The following LRRTM4 variants were observed in gnomAD, a reference collection of about 807,000 sequenced individuals.
LRRTM4 encodes leucine rich repeat transmembrane neuronal 4.
In LRRTM4, 25 loss-of-function variants were observed where a neutral mutation model predicts 47.6. That is an observed-to-expected ratio of 0.53 (90% CI 0.38 to 0.73). The LOEUF (loss-of-function observed/expected upper bound fraction) is 0.73, where lower values mean the gene tolerates loss of function less well. Ranked by LOEUF, LRRTM4 falls within the 30% of genes least tolerant of loss-of-function variation. LRRTM4 has a pLI of 0.00. For synonymous variants in LRRTM4, 311 were observed against 269.5 expected (o/e 1.15, Z -1.51); for missense variants, 638 against 713.4 (o/e 0.89, Z 1.20).
At chr2:77,119,997 G>A (rs780694881) in intron 3 of LRRTM4, among the ~76,000 whole-genome samples, 44 of 151,886 alleles carry the variant, frequency 2.9e-4, no homozygotes, top group East Asian at 1.4e-3. Flanking sequence ...TGCTTTGCTC[G>A]TGGAAACTGT....
At chr2:77,122,483 T>G (rs1671545094) in intron 3 of LRRTM4, among the ~76,000 whole-genome samples, 1 of 149,754 alleles carries the variant, frequency 6.7e-6, no homozygotes, top group African/African-American at 2.4e-5. Flanking sequence ...CACACATAAA[T>G]ACTATATATA....
rs114576645 is a variant in LRRTM4, at chr2:76,755,195, A to G, written c.1552-6279T>C. On this transcript the variant is annotated intron_variant, in intron 3 of 3. Coordinates refer to ENST00000409884, the MANE Select transcript of LRRTM4 (RefSeq NM_001134745.3). ...CCCTGACCATTTTACTATACTTACA[A>G]TGTTCAATATTTATATAGATTAAGT... Among the ~76,000 whole-genome samples the G allele has an allele frequency of 7.3e-3, 1,112 of 152,210 alleles. 17 individuals are homozygous for G. The highest frequency in any genetic ancestry group is 0.024 in the African/African-American group (1,006 of 41,526).
At chr2:76,760,529 G>A (rs1027595876) in intron 3 of LRRTM4, among the ~76,000 whole-genome samples, 6 of 151,992 alleles carry the variant, frequency 3.9e-5, no homozygotes, top group Admixed American at 6.6e-5. Flanking sequence ...CAGACAGCAC[G>A]TCTGCTACTG....
At chr2:77,479,625 C>T (rs541095462) in intron 3 of LRRTM4, among the ~76,000 whole-genome samples, 8 of 152,320 alleles carry the variant, frequency 5.3e-5, no homozygotes, top group Admixed American at 2.0e-4. Flanking sequence ...TCCAGAGCCA[C>T]AGTCAGTCTC....
chr2:77,493,121 C>T (rs1032475300), intron 3 of LRRTM4, among the ~76,000 whole-genome samples: 2 of 151,998 alleles, frequency 1.3e-5, no homozygotes. Flanking sequence ...GAAACATACT[C>T]GCCAAAATTC....
intron 3 of LRRTM4, among the ~76,000 whole-genome samples, chr2:76,801,333 C>T (rs1197908463): frequency 1.3e-5 from 2 of 151,928 alleles, no homozygotes; most frequent in African/African-American, 2.4e-5. Context: ...ACTATGCAGC[C>T]ATAAAAAATG....
intron 3 of LRRTM4, among the ~76,000 whole-genome samples, chr2:76,750,529 C>T (rs967725819): frequency 6.6e-6 from 1 of 152,088 alleles, no homozygotes; most frequent in Non-Finnish European, 1.5e-5. Context: ...GTCAGTCTCC[C>T]GACTGGACTA....
intron 3 of LRRTM4, among the ~76,000 whole-genome samples, chr2:76,777,120 C>A (rs1674049843): frequency 6.7e-6 from 1 of 149,296 alleles, no homozygotes; most frequent in Admixed American, 6.7e-5. Flanking sequence ...TGATCTATAT[C>A]TCTGTTTTGG....
rs73940204 is a variant in LRRTM4 at position 76,895,285 on chromosome 2, C to A, written c.1552-146369G>T. On this transcript the variant is annotated intron_variant, in intron 3 of 3. Coordinates refer to ENST00000409884, the MANE Select transcript of LRRTM4 (RefSeq NM_001134745.3). ...TCAAATAAGCTTCATAAATAGATTA[C>A]CTCTAAGTTCTTTACTAGTGAGTGT... Among the ~76,000 whole-genome samples, 1,181 of 152,082 alleles carry A rather than the reference C, an allele frequency of 7.8e-3. 12 individuals are homozygous for A. Among genetic ancestry groups the A allele is most frequent in the African/African-American group, 0.027 (1,124 of 41,500 alleles).
intron 3 of LRRTM4, among the ~76,000 whole-genome samples, chr2:77,043,370 C>A (rs1679102297): frequency 1.3e-5 from 2 of 151,760 alleles, no homozygotes; most frequent in Non-Finnish European, 2.9e-5. Flanking sequence ...AGGATTTGGG[C>A]ATTGTCTTCG....
intron 3 of LRRTM4, among the ~76,000 whole-genome samples, chr2:77,192,474 G>T (rs143085948): frequency 2.7e-3 from 406 of 152,020 alleles, no homozygotes; most frequent in African/African-American, 9.2e-3. Flanking sequence ...GAAAAAAATT[G>T]AAAATAGCAG....
intron 3 of LRRTM4, chr2:77,517,742 A>G: frequency 1.0e-6 from 1 of 985,408 alleles, no homozygotes; most frequent in Non-Finnish European, 1.2e-6. Flanking sequence ...ACAATTACAC[A>G]GTAGGCCTCT....
Position 76,748,607 on chromosome 2 carries a change from T to A in LRRTM4, c.*88A>T. ...TAACAGGAACGATGAGCTTGCTCGA[T>A]TGCGCGATTGTGGACACCCATTCTC... On this transcript the variant is annotated 3_prime_UTR_variant, in exon 4 of 4. Transcript: ENST00000409884. 1 of 1,028,092 alleles carries A rather than the reference T, an allele frequency of 9.7e-7. No homozygotes were observed. The highest frequency in any genetic ancestry group is 1.5e-6 in the Non-Finnish European group (1 of 682,158). The allele number at this position is 1,028,092 out of a possible 1,614,324, so 63.7% of individuals were successfully genotyped here.
rs869098617 is a variant in LRRTM4, at chr2:77,060,969, TAA to T, written c.1552-312055_1552-312054del. 1.1e-4 allele frequency among the ~76,000 whole-genome samples: 17 copies of T among 152,280 alleles called. 1 individual carries two copies. The highest frequency in any genetic ancestry group is 3.3e-4 in the Admixed American group (5 of 15,286). On this transcript the variant is annotated intron_variant, in intron 3 of 3. Coordinates refer to ENST00000409884, the MANE Select transcript of LRRTM4 (RefSeq NM_001134745.3). ...ACAGAATAAAAACAATAGCAAATTA[TAA>T]AGTTATATCAGTAAAAAACACAACA...
At chr2:76,998,275 T>TAGGAAATAGGAAGGA (rs1677275670) in intron 3 of LRRTM4, among the ~76,000 whole-genome samples, 1 of 152,036 alleles carries the variant, frequency 6.6e-6, no homozygotes, top group Admixed American at 6.6e-5. Context: ...GCTTATTCAG[T>TAGGAAATAGGAAGGA]TTAATCCTTC....
chr2:77,232,449 A>G (rs1674991255), intron 3 of LRRTM4, among the ~76,000 whole-genome samples: 1 of 152,232 alleles, frequency 6.6e-6, no homozygotes, highest in Non-Finnish European at 1.5e-5. Context: ...AGAGCATGAT[A>G]CAAAATATTG....
At chr2:76,832,881 G>C (rs1034970541) in intron 3 of LRRTM4, among the ~76,000 whole-genome samples, 1 of 152,050 alleles carries the variant, frequency 6.6e-6, no homozygotes, top group Non-Finnish European at 1.5e-5. Flanking sequence ...AATGGAACAT[G>C]CTGACTCGTG....
At chr2:77,017,939 GAACA>G (rs1160308925) in intron 3 of LRRTM4, among the ~76,000 whole-genome samples, 4 of 151,826 alleles carry the variant, frequency 2.6e-5, no homozygotes, top group East Asian at 1.9e-4. Flanking sequence ...GATAAGATGT[GAACA>G]AATAATCATA....
At chr2:76,769,395 GT>G (rs538428812) in intron 3 of LRRTM4, among the ~76,000 whole-genome samples, 4 of 152,034 alleles carry the variant, frequency 2.6e-5, no homozygotes, top group Non-Finnish European at 4.4e-5. Flanking sequence ...TTTTGCCTTA[GT>G]CTGTGTTTTC....
Sources: gnomAD v4.1 joint callset for allele counts (sites outside exome capture counted in the v4.1 genomes callset) on GRCh38, gnomAD v4.1.1 for gene constraint, MANE v1.5 for transcripts, NCBI Gene and HGNC (gene_info 2026-07-23, HGNC 2026-07-21) for gene names.